The following KIF1B variants were observed in gnomAD, a reference collection of about 807,000 sequenced individuals.
KIF1B encodes the protein kinesin family member 1B.
A neutral mutation model predicts 241.9 loss-of-function variants in KIF1B; 76 were observed. The observed-to-expected ratio is 0.31, with a 90% CI of 0.26 to 0.38. KIF1B has a LOEUF of 0.38. Ranked by LOEUF, KIF1B falls within the 10% of genes least tolerant of loss-of-function variation. KIF1B has a pLI of 1.00. For synonymous variants in KIF1B, 750 were observed against 796.7 expected (o/e 0.94, Z 0.99); for missense variants, 1,622 against 2,271.4 (o/e 0.71, Z 5.81).
At chr1:10,237,101 A>G (rs570569878) in intron 2 of KIF1B, among the ~76,000 whole-genome samples, 1 of 152,346 alleles carries the variant, frequency 6.6e-6, no homozygotes, top group East Asian at 1.9e-4. Flanking sequence ...AAAACTGAGA[A>G]GTAGCTATTT....
At chr1:10,323,788 A>T (rs1005892663) in intron 24 of KIF1B, 96 bp from the exon 25 acceptor site, 1 of 1,005,168 alleles carries the variant, frequency 9.9e-7, no homozygotes. Context: ...TGTTGAGCAC[A>T]TTCGACCTCT....
chr1:10,226,109 G>A (rs1376499335), intron 1 of KIF1B, among the ~76,000 whole-genome samples: 1 of 152,182 alleles, frequency 6.6e-6, no homozygotes, highest in Non-Finnish European at 1.5e-5. Flanking sequence ...AGTATTGAAA[G>A]CCTAAAAGGT....
intron 24 of KIF1B, 107 bp downstream of exon 24, chr1:10,321,964 C>T: frequency 8.2e-7 from 1 of 1,223,934 alleles, no homozygotes; most frequent in Non-Finnish European, 1.2e-6. Flanking sequence ...AACTCAGCTG[C>T]TTTGTGCTAT....
chr1:10,294,135 C>T (rs958098102), intron 17 of KIF1B, among the ~76,000 whole-genome samples: 6 of 152,150 alleles, frequency 3.9e-5, no homozygotes, highest in Non-Finnish European at 8.8e-5. Flanking sequence ...CATTTGCTGG[C>T]ACTCTCTTGA....
At chr1:10,320,597 T>A (rs1173425360) in intron 23 of KIF1B, among the ~76,000 whole-genome samples, 1 of 152,282 alleles carries the variant, frequency 6.6e-6, no homozygotes, top group Non-Finnish European at 1.5e-5. Context: ...TCATTATTAC[T>A]TATTGCCTTA....
intron 1 of KIF1B, among the ~76,000 whole-genome samples, chr1:10,214,443 C>T (rs112447695): frequency 0.035 from 5,344 of 151,940 alleles, 111 homozygotes; most frequent in Middle Eastern, 0.13. Flanking sequence ...GCACCTGCCA[C>T]CATGCCCAGC....
intron 1 of KIF1B, among the ~76,000 whole-genome samples, chr1:10,222,185 G>A (rs1342914907): frequency 2.0e-5 from 3 of 152,152 alleles, no homozygotes; most frequent in Non-Finnish European, 4.4e-5. Flanking sequence ...AAAAGCAGAC[G>A]GATATTAAGA....
At chr1:10,276,127 C>T (rs564877113) in intron 11 of KIF1B, among the ~76,000 whole-genome samples, 194 bp from the exon 12 acceptor site, 3 of 151,932 alleles carry the variant, frequency 2.0e-5, no homozygotes, top group African/African-American at 2.4e-5. Context: ...AGGCTGGTCT[C>T]GAACTCCTGA....
chr1:10,242,731 G>T (rs1212100963), intron 2 of KIF1B, among the ~76,000 whole-genome samples: 1 of 152,038 alleles, frequency 6.6e-6, no homozygotes, highest in Non-Finnish European at 1.5e-5. Context: ...TGGCCAGGCT[G>T]GTCTCAAACT....
At chr1:10,220,827 T>A (rs996999336) in intron 1 of KIF1B, among the ~76,000 whole-genome samples, 1 of 151,944 alleles carries the variant, frequency 6.6e-6, no homozygotes. Context: ...CAAGCCCAGC[T>A]GATTTTTGTG....
In KIF1B at chr1:10,303,049, A is replaced by AT; in HGVS notation, c.2115+5808dup. On this transcript the variant is annotated intron_variant, in intron 22 of 48. Coordinates refer to ENST00000676179, the MANE Select transcript of KIF1B (RefSeq NM_001365951.3). This position sits in a 1 kb window ranked among gnomAD's most constrained non-coding sequence, Gnocchi z 5.2. Reference sequence around the variant, plus strand: ...TTTGTTTTTTAGTTTTTTTGGTCTTATTTTTAAATTTGGTTAAGGCTTTTT... The same window carrying AT: ...TTTGTTTTTTAGTTTTTTTGGTCTTATTTTTTAAATTTGGTTAAGGCTTTTT... 7.6e-7 allele frequency: 1 copy of AT among 1,312,350 alleles called. No homozygotes were observed. The highest frequency in any genetic ancestry group is 2.5e-5 in the East Asian group (1 of 39,910). 81.3% of individuals were successfully genotyped at this position (1,312,350 alleles called of 1,614,324 possible). A position where few individuals can be genotyped will look rare whatever the true frequency, so the allele number is the denominator to read the frequency against.
chr1:10,261,395 A>G (rs1466050317), intron 4 of KIF1B, among the ~76,000 whole-genome samples: 4 of 151,094 alleles, frequency 2.6e-5, no homozygotes, highest in South Asian at 2.1e-4. Context: ...CTCAGCCTCC[A>G]GAATAGCTGG....
In KIF1B at chr1:10,279,110, C is replaced by T. The variant is rs1002471752; in HGVS notation, c.1194C>T (p.Ile398=). 18 of 1,546,210 alleles carry T rather than the reference C, an allele frequency of 1.2e-5. No homozygotes were observed. The highest frequency in any genetic ancestry group is 8.2e-5 in the African/African-American group (6 of 72,886). The part of the protein sequence containing the change: ...LGDIIDIDPL[I]DDYSGSGSKY... ...GCTTACCTTCAGTTGATCCATTGAT[C>T]GATGATTACTCTGGAAGTGGAAGCA... Residue 398 remains isoleucine (I), a synonymous_variant, in exon 14 of 49, where the codon ATC becomes ATT. Transcript: ENST00000676179.
intron 2 of KIF1B, among the ~76,000 whole-genome samples, chr1:10,239,448 C>T (rs1647103080): frequency 6.6e-6 from 1 of 151,640 alleles, no homozygotes; most frequent in Non-Finnish European, 1.5e-5. Flanking sequence ...TACTATTTTT[C>T]TATACAACTT....
At chr1:10,322,797 G>A (rs1375952135) in intron 24 of KIF1B, among the ~76,000 whole-genome samples, 2 of 152,084 alleles carry the variant, frequency 1.3e-5, no homozygotes, top group Non-Finnish European at 2.9e-5. Flanking sequence ...TCTTACTACT[G>A]TGCATAGCAT....
At chr1:10,340,311 G>T (rs1475713029) in intron 32 of KIF1B, among the ~76,000 whole-genome samples, 1 of 152,156 alleles carries the variant, frequency 6.6e-6, no homozygotes, top group East Asian at 1.9e-4. Flanking sequence ...ACACATTAAT[G>T]CCCTTTACAA....
chr1:10,223,841 G>C (rs749647640), intron 1 of KIF1B, among the ~76,000 whole-genome samples: 1 of 152,094 alleles, frequency 6.6e-6, no homozygotes, highest in Non-Finnish European at 1.5e-5. Flanking sequence ...ACTGTGCCCG[G>C]CCTGAAGTTT....
chr1:10,303,690 G>A lies in KIF1B; in HGVS notation c.2115+6444G>A. On this transcript the variant is annotated intron_variant, in intron 22 of 48. Coordinates refer to ENST00000676179, the MANE Select transcript of KIF1B (RefSeq NM_001365951.3). The surrounding 1 kb of genome is among the most constrained non-coding windows in gnomAD (Gnocchi z 5.2). ...AAGATATTTTGCAAGAAGTCAAAAA[G>A]CAAAATAACATGAAAGACGAGGAGA... is the stretch of plus-strand genomic sequence containing the variant. 6.2e-7 allele frequency: 1 copy of A among 1,614,122 alleles called. No homozygotes were observed. The highest frequency in any genetic ancestry group is 8.5e-7 in the Non-Finnish European group (1 of 1,180,012).
chr1:10,306,663 A>C, intron 22 of KIF1B: 2 of 708,260 alleles, frequency 2.8e-6, no homozygotes, highest in Non-Finnish European at 3.5e-6. Flanking sequence ...TTGGAAATGG[A>C]GCAGGCCAAA....
Sources: allele counts gnomAD v4.1 joint callset (sites outside exome capture counted in the v4.1 genomes callset), GRCh38; gene constraint gnomAD v4.1.1; non-coding constraint Gnocchi (gnomAD v3.1); transcripts MANE v1.5; gene names NCBI Gene and HGNC (gene_info 2026-07-23, HGNC 2026-07-21).